SYNE1: variants seen among roughly 807,000 people sequenced by gnomAD.
SYNE1 encodes spectrin repeat containing nuclear envelope protein 1.
Under a neutral mutation model 1,111.0 loss-of-function variants are expected in SYNE1, and 616 were observed. The observed-to-expected ratio is 0.55, with a 90% CI of 0.52 to 0.59. The LOEUF (loss-of-function observed/expected upper bound fraction) is 0.59, where lower values mean the gene tolerates loss of function less well. Among genes scored for constraint, SYNE1 ranks in the 20% least tolerant of loss-of-function variants. SYNE1 has a pLI of 0.00. For missense variants in SYNE1, 10,006 were observed against 10,417.0 expected (o/e 0.96, Z 1.72); for synonymous variants, 3,855 against 3,825.8 (o/e 1.01, Z -0.28).
chr6:152,540,770 G>C (rs1405179877), intron 3 of SYNE1, among the ~76,000 whole-genome samples: 1 of 152,218 alleles, frequency 6.6e-6, no homozygotes, highest in African/African-American at 2.4e-5. Flanking sequence ...CCTTTGCAGA[G>C]GGTCAATGGC....
intron 51 of SYNE1, 93 bp from the exon 52 acceptor site, chr6:152,391,661 G>T: frequency 7.1e-7 from 1 of 1,413,076 alleles, no homozygotes. Context: ...TATTGGAGCA[G>T]TAACCAGACA....
intron 32 of SYNE1, among the ~76,000 whole-genome samples, chr6:152,438,422 G>A (rs775623157): frequency 7.9e-5 from 12 of 152,080 alleles, no homozygotes; most frequent in Admixed American, 2.0e-4. Context: ...CAGAGAAATC[G>A]AAAGAGCAGA....
chr6:152,495,336 C>T (rs1028511129), intron 11 of SYNE1, among the ~76,000 whole-genome samples: 17 of 152,178 alleles, frequency 1.1e-4, no homozygotes, highest in African/African-American at 4.1e-4. Flanking sequence ...TCATCTCCTC[C>T]CTTCTGTTGA....
intron 35 of SYNE1, 53 bp downstream of exon 35, chr6:152,430,429 C>T (rs2098418371): frequency 1.3e-6 from 2 of 1,493,870 alleles, no homozygotes; most frequent in East Asian, 4.5e-5. Flanking sequence ...TGCACTTACC[C>T]ACAAATACAA....
intron 39 of SYNE1, among the ~76,000 whole-genome samples, chr6:152,424,764 G>A (rs1043807931): frequency 6.6e-6 from 1 of 152,196 alleles, no homozygotes; most frequent in Non-Finnish European, 1.5e-5. Flanking sequence ...GCTACTCATT[G>A]TGGAAAGTCA....
intron 122 of SYNE1, 72 bp downstream of exon 122, chr6:152,214,831 TGTA>T: frequency 1.9e-6 from 3 of 1,556,082 alleles, no homozygotes; most frequent in Non-Finnish European, 2.7e-6. Flanking sequence ...TTATGCATTC[TGTA>T]GTATTTTGAC....
Position 152,483,200 on chromosome 6 carries a change from C to A in SYNE1, c.1235G>T (p.Gly412Val), listed in dbSNP as rs1324783858. The change falls in exon 14 of 146, where the codon GGC (glycine) becomes GTC (valine). Residue 412 changes from glycine to valine, a missense_variant. Coordinates refer to ENST00000367255, the MANE Select transcript of SYNE1 (RefSeq NM_182961.4). ...TCTGTACAGCCAGGCACCTATGGTG[C>A]CCAGAGGTGCAGGAAGAGATTTATC... The part of the protein sequence containing the change: ...QLDKSLPAPL[G>V]TIGAWLYRAE... 6.2e-7 allele frequency: 1 copy of A among 1,614,018 alleles called. No individual in the cohort carries two copies. Among genetic ancestry groups the A allele is most frequent in the Admixed American group, 1.7e-5 (1 of 60,018 alleles).
chr6:152,373,156 G>C lies in SYNE1; in HGVS notation c.9388C>G (p.Leu3130Val). Residue 3130 changes from leucine to valine, a missense_variant, in exon 59 of 146, where the codon CTT (leucine) becomes GTT (valine). Leu to Val is a conservative substitution (Grantham distance 32). Around this residue, in one of 7 missense-constraint regions of SYNE1, gnomAD observed 4,955 missense variants for 5,017.2 expected, o/e 0.99. Transcript: ENST00000367255. ...KLNMMLSKGE[L>V]LSTLLTKEKA... ...TCTTTGGTCAGCAGGGTACTCAGAA[G>C]TTCCCCTTTAGACAGCATCATGTTT... is the stretch of plus-strand genomic sequence containing the variant. The C allele has an allele frequency of 6.2e-7, 1 of 1,614,006 alleles. No homozygotes were observed.
Position 152,488,438 on chromosome 6 carries a change from T to C in SYNE1, c.1005A>G (p.Thr335=). ...AATTTGATTCCACCATCTGTGCTCT[T>C]GTCAAATCTCTCTCAAATTGTTCTA... The part of the protein sequence containing the change: ...VWIEQFERDL[T]RAQMVESNLQ... The change falls in exon 12 of 146, where the codon ACA becomes ACG. Residue 335 remains threonine (T), a synonymous_variant. Coordinates refer to ENST00000367255, the MANE Select transcript of SYNE1 (RefSeq NM_182961.4). 1.9e-6 allele frequency: 3 copies of C among 1,609,834 alleles called. No individual in the cohort carries two copies. The highest frequency in any genetic ancestry group is 2.5e-6 in the Non-Finnish European group (3 of 1,177,230).
At chr6:152,236,024 G>C (rs747954530) in intron 110 of SYNE1, 83 bp downstream of exon 110, 20 of 1,453,378 alleles carry the variant, frequency 1.4e-5, no homozygotes, top group Middle Eastern at 2.0e-4. Context: ...TTATAGGTTT[G>C]AGCCATCATC....
At chr6:152,340,921 T>C (rs2096523036) in intron 74 of SYNE1, among the ~76,000 whole-genome samples, 1 of 152,032 alleles carries the variant, frequency 6.6e-6, no homozygotes, top group African/African-American at 2.4e-5. Flanking sequence ...TAGTAAGAAG[T>C]GGTTCTTGAT....
At position 152,206,171 on chromosome 6, in the gene SYNE1, C is replaced by T; in HGVS notation, c.23016G>A (p.Leu7672=). ...EEQKKKLAFL[L]KDWEKCEKGI... ...GTTTTTTTCTAACTGAACTTACTTT[C>T]AACAAGAAGGCTAGTTTTTTCTTCT... The change falls in exon 126 of 146, where the codon TTG becomes TTA. Residue 7672 remains leucine, a synonymous_variant. Coordinates refer to ENST00000367255, the MANE Select transcript of SYNE1 (RefSeq NM_182961.4). The T allele has an allele frequency of 6.2e-7, 1 of 1,613,360 alleles. No homozygotes were observed. Among genetic ancestry groups the T allele is most frequent in the Middle Eastern group, 1.8e-4 (1 of 5,494 alleles).
Position 152,224,646 on chromosome 6 carries a change from G to T in SYNE1, c.21370C>A (p.Leu7124Met), listed in dbSNP as rs1421148619. The part of the protein sequence containing the change: ...LDHMVGQLKI[L>M]LKSVLDQWSS... ...CATTGGTCAAGCACTGATTTCAGCA[G>T]TATCTTTAATTGTCCAACCTTTTGA... Residue 7124 changes from leucine (L) to methionine (M), a missense_variant, in exon 117 of 146, where the codon CTG becomes ATG. Leu to Met is a conservative substitution (Grantham distance 15). Transcript: ENST00000367255. 1 of 1,613,570 alleles carries T rather than the reference G, an allele frequency of 6.2e-7. No homozygotes were observed.
At chr6:152,530,126 T>A (rs957156785) in intron 4 of SYNE1, among the ~76,000 whole-genome samples, 4 of 152,198 alleles carry the variant, frequency 2.6e-5, no homozygotes, top group South Asian at 2.1e-4. Context: ...AGCCAAGGTC[T>A]ATTCTTAAAG....
chr6:152,521,190 A>G (rs2154349062), intron 5 of SYNE1, among the ~76,000 whole-genome samples: 1 of 152,356 alleles, frequency 6.6e-6, no homozygotes, highest in Admixed American at 6.5e-5. Context: ...GCTAAGATTC[A>G]TCATATCATT....
intron 56 of SYNE1, among the ~76,000 whole-genome samples, chr6:152,378,544 CACTT>C (rs1191568871): frequency 6.6e-6 from 1 of 152,170 alleles, no homozygotes; most frequent in Non-Finnish European, 1.5e-5. Flanking sequence ...TTCACAGACC[CACTT>C]ACATATTCAT....
intron 121 of SYNE1, among the ~76,000 whole-genome samples, chr6:152,215,288 T>TG (rs2078365534): frequency 6.6e-6 from 1 of 152,220 alleles, no homozygotes; most frequent in Non-Finnish European, 1.5e-5. Context: ...AAGCTACTCA[T>TG]TATCCTTTAT....
In SYNE1 at chr6:152,624,360, A is replaced by T. The variant is rs187735472; in HGVS notation, c.67+3905T>A. On this transcript the variant is annotated intron_variant, in intron 3 of 145. Coordinates refer to ENST00000367255, the MANE Select transcript of SYNE1 (RefSeq NM_182961.4). ...GTATGTTCACATTTAAAATGTAGTT[A>T]ATAAAAGTCAGTCAACAAGTTCTTT... Among the ~76,000 whole-genome samples, 339 of 152,324 alleles carry T rather than the reference A, an allele frequency of 2.2e-3. 1 individual carries two copies. The highest frequency in any genetic ancestry group is 3.7e-3 in the Non-Finnish European group (255 of 68,010).
At chr6:152,196,598 G>T (rs531603639) in intron 127 of SYNE1, among the ~76,000 whole-genome samples, 3 of 152,094 alleles carry the variant, frequency 2.0e-5, no homozygotes, top group African/African-American at 2.4e-5. Flanking sequence ...TGGAATGAAG[G>T]CTTCATGACT....
Sources: gnomAD v4.1 joint callset for allele counts (sites outside exome capture counted in the v4.1 genomes callset) on GRCh38, gnomAD v4.1.1 for gene constraint, gnomAD v4.1.1 regional missense constraint, MANE v1.5 for transcripts, NCBI Gene and HGNC (gene_info 2026-07-23, HGNC 2026-07-21) for gene names.